The following GALNT2 variants were observed in gnomAD, a reference collection of about 807,000 sequenced individuals.
GALNT2 encodes the protein UDP-GalNAc:polypeptide N-acetylgalactosaminyltransferase 2.
In GALNT2, 31 loss-of-function variants were observed where a neutral mutation model predicts 81.4. That is an observed-to-expected ratio of 0.38 (90% confidence interval 0.29 to 0.51). The LOEUF (loss-of-function observed/expected upper bound fraction) is 0.51. Ranked by LOEUF, GALNT2 falls within the 20% of genes least tolerant of loss-of-function variation. The pLI is 0.87. For missense variants in GALNT2, 629 were observed against 765.7 expected (o/e 0.82, Z 2.11); for synonymous variants, 303 against 287.4 (o/e 1.05, Z -0.55).
intron 3 of GALNT2, among the ~76,000 whole-genome samples, chr1:230,223,250 C>G (rs1373942210): frequency 6.8e-6 from 1 of 148,034 alleles, no homozygotes; most frequent in African/African-American, 2.5e-5. Flanking sequence ...TGTCCTTGAA[C>G]AAGTTTTCCT....
At chr1:230,269,464 G>A (rs1466700390) in intron 14 of GALNT2, among the ~76,000 whole-genome samples, 1 of 152,118 alleles carries the variant, frequency 6.6e-6, no homozygotes, top group Non-Finnish European at 1.5e-5. Flanking sequence ...GGGGTTACAG[G>A]CGTGAGCCAC....
intron 1 of GALNT2, among the ~76,000 whole-genome samples, chr1:230,090,690 C>A (rs904983272): frequency 1.3e-5 from 2 of 152,104 alleles, no homozygotes; most frequent in African/African-American, 4.8e-5. Context: ...TTTTTCTGTG[C>A]GGTTGTGTAT....
intron 1 of GALNT2, among the ~76,000 whole-genome samples, chr1:230,104,953 GA>G (rs1660499030): frequency 6.6e-6 from 1 of 152,242 alleles, no homozygotes; most frequent in African/African-American, 2.4e-5. Flanking sequence ...CAGAGTGGGG[GA>G]AAGTGTCAGA....
chr1:230,140,761 G>T (rs1661705592), intron 1 of GALNT2, among the ~76,000 whole-genome samples: 1 of 152,090 alleles, frequency 6.6e-6, no homozygotes, highest in South Asian at 2.1e-4. Context: ...GGAAAAGCTT[G>T]TGCATAACTC....
intron 14 of GALNT2, among the ~76,000 whole-genome samples, chr1:230,272,944 T>A (rs944855766): frequency 6.6e-6 from 1 of 152,128 alleles, no homozygotes; most frequent in African/African-American, 2.4e-5. Context: ...AACTTATTTT[T>A]TATTTTTAGT....
chr1:230,174,904 T>G (rs1662911717), intron 1 of GALNT2, among the ~76,000 whole-genome samples: 1 of 152,160 alleles, frequency 6.6e-6, no homozygotes, highest in Non-Finnish European at 1.5e-5. Flanking sequence ...TTGCCTCCCT[T>G]AGGTCTCCAC....
chr1:230,188,049 G>A (rs1465767264), intron 2 of GALNT2, among the ~76,000 whole-genome samples: 2 of 152,104 alleles, frequency 1.3e-5, no homozygotes, highest in Non-Finnish European at 2.9e-5. Context: ...TTGAGGGTGT[G>A]GCGTTTGCTA....
chr1:230,212,042 G>T (rs938533380), intron 3 of GALNT2, among the ~76,000 whole-genome samples: 1 of 152,118 alleles, frequency 6.6e-6, no homozygotes, highest in African/African-American at 2.4e-5. Context: ...GCCTCATAAG[G>T]CACCACCTTG....
At chr1:230,060,594 A>C (rs1214002258) in intron 1 of GALNT2, among the ~76,000 whole-genome samples, 3 of 151,990 alleles carry the variant, frequency 2.0e-5, no homozygotes, top group Non-Finnish European at 4.4e-5. Flanking sequence ...GTTGAAAGAC[A>C]TTTGAAGACC....
In GALNT2 at chr1:230,193,770, C is replaced by G. The variant is rs147701397; in HGVS notation, c.221-9367C>G. ...TCACTTGAAGATTGGTTATTAGGAT[C>G]CCAGAATGAACTGTCCCATGGAAAT... On this transcript the variant is annotated intron_variant, in intron 2 of 15. Transcript: ENST00000366672. This position sits in a 1 kb window ranked among gnomAD's most constrained non-coding sequence, Gnocchi z 4.3. 1.6e-3 allele frequency among the ~76,000 whole-genome samples: 248 copies of G among 152,310 alleles called. 2 individuals are homozygous for G. The highest frequency in any genetic ancestry group is 5.4e-3 in the African/African-American group (224 of 41,564).
chr1:230,118,091 T>G (rs1660899068), intron 1 of GALNT2, among the ~76,000 whole-genome samples: 1 of 152,242 alleles, frequency 6.6e-6, no homozygotes, highest in Admixed American at 6.5e-5. Flanking sequence ...AATCATTCAG[T>G]ATGTAGCCTT....
In GALNT2 at chr1:230,070,142, C is replaced by T. The variant is rs887427842; in HGVS notation, c.126+2736C>T. Among the ~76,000 whole-genome samples, 10 of 152,134 alleles carry T rather than the reference C, an allele frequency of 6.6e-5. No homozygotes were observed. The highest frequency in any genetic ancestry group is 2.2e-4 in the African/African-American group (9 of 41,394). ...GCTGAAGACCAATCTCAGGCACTGCCGCACAACTCGGGACTCAACACCCAG... is the reference window on the plus strand; with the variant it reads ...GCTGAAGACCAATCTCAGGCACTGCTGCACAACTCGGGACTCAACACCCAG... On this transcript the variant is annotated intron_variant, in intron 1 of 15. Transcript: ENST00000366672. The surrounding 1 kb of genome is among the most constrained non-coding windows in gnomAD (Gnocchi z 4.7).
chr1:230,280,841 G>T lies in GALNT2; in HGVS notation c.*1383G>T, dbSNP rs2102788616. The T allele has an allele frequency of 6.6e-6, 1 of 152,322 alleles. No individual in the cohort carries two copies. The highest frequency in any genetic ancestry group is 1.5e-5 in the Non-Finnish European group (1 of 68,042). 9.4% of individuals were successfully genotyped at this position (152,322 alleles called of 1,614,324 possible). A position where few individuals can be genotyped will look rare whatever the true frequency, so the allele number is the denominator to read the frequency against. Reference sequence around the variant, plus strand: ...TCAGGGCGGGAGACAGGAGCCTTGGGGTCCTGTTAAACCACAGACAGTTAT... The same window carrying T: ...TCAGGGCGGGAGACAGGAGCCTTGGTGTCCTGTTAAACCACAGACAGTTAT... On this transcript the variant is annotated 3_prime_UTR_variant, in exon 16 of 16. Transcript: ENST00000366672.
intron 1 of GALNT2, among the ~76,000 whole-genome samples, chr1:230,093,091 C>G (rs1327588056): frequency 6.6e-6 from 1 of 152,198 alleles, no homozygotes; most frequent in Non-Finnish European, 1.5e-5. Context: ...TACATTTCAG[C>G]TTACGTCTAC....
At chr1:230,110,193 T>C (rs1170435335) in intron 1 of GALNT2, among the ~76,000 whole-genome samples, 1 of 152,230 alleles carries the variant, frequency 6.6e-6, no homozygotes, top group African/African-American at 2.4e-5. Flanking sequence ...TAATAGCTCA[T>C]TTAAATATAC....
chr1:230,102,249 A>G (rs775079751), intron 1 of GALNT2, among the ~76,000 whole-genome samples: 2 of 152,186 alleles, frequency 1.3e-5, no homozygotes, highest in Admixed American at 1.3e-4. Flanking sequence ...TGTCTTGTTC[A>G]CTGCAGTCTC....
chr1:230,171,007 G>A (rs373590908), intron 1 of GALNT2, among the ~76,000 whole-genome samples: 86 of 152,274 alleles, frequency 5.6e-4, no homozygotes, highest in African/African-American at 2.0e-3. Context: ...CCCTTTCCCA[G>A]TGAGTTAAAA....
intron 1 of GALNT2, among the ~76,000 whole-genome samples, chr1:230,078,537 CCA>C (rs1463586537): frequency 1.3e-5 from 2 of 152,200 alleles, no homozygotes; most frequent in Non-Finnish European, 2.9e-5. Flanking sequence ...TTGGGATATT[CCA>C]CAGTGATTCT....
At chr1:230,178,080 G>T in intron 1 of GALNT2, 138 bp from the exon 2 acceptor site, 1 of 569,414 alleles carries the variant, frequency 1.8e-6, no homozygotes, top group Non-Finnish European at 3.1e-6. Flanking sequence ...GGGTCTTTAA[G>T]ATGTGCCCTC....
Sources: allele counts gnomAD v4.1 joint callset (sites outside exome capture counted in the v4.1 genomes callset), GRCh38; gene constraint gnomAD v4.1.1; non-coding constraint Gnocchi (gnomAD v3.1); transcripts MANE v1.5; gene names NCBI Gene and HGNC (gene_info 2026-07-23, HGNC 2026-07-21).